Variants in MSH6 observed in about 807,000 individuals in gnomAD.
MSH6 encodes the protein mutS homolog 6.
In MSH6, 85 loss-of-function variants were observed where a neutral mutation model predicts 119.1. The ratio of observed to expected loss-of-function variants is 0.71; its 90% CI spans 0.60 to 0.85. The LOEUF (loss-of-function observed/expected upper bound fraction) is 0.85, where lower values mean the gene tolerates loss of function less well. Among genes scored for constraint, MSH6 ranks in the 40% least tolerant of loss-of-function variants. The probability of loss-of-function intolerance (pLI) is 0.00; values close to 1 mark genes in which losing one functional copy is unlikely to be tolerated. For synonymous variants in MSH6, 830 were observed against 586.9 expected (o/e 1.41, Z -5.99); for missense variants, 2,163 against 1,655.3 (o/e 1.31, Z -5.32).
rs1468651245 is a variant in MSH6 at position 47,798,859 on chromosome 2, C to G, written c.876C>G (p.Ser292Arg). 6.2e-7 allele frequency: 1 copy of G among 1,613,990 alleles called. No individual in the cohort carries two copies. Among genetic ancestry groups the G allele is most frequent in the Non-Finnish European group, 8.5e-7 (1 of 1,180,030 alleles). The change falls in exon 4 of 10, where the codon AGC becomes AGG. Residue 292 changes from serine to arginine, a missense_variant. Ser to Arg is a moderately radical substitution (Grantham distance 110). Transcript: ENST00000234420. ...ATAGTGAGAGTGAAGGCCTGAACAG[C>G]CCTGTCAAAGTTGCTCGAAAGCGGA... ...VGDSESEGLNSPVKVARKRKR... is the reference protein window; with the variant it reads ...VGDSESEGLNRPVKVARKRKR...
intron 1 of MSH6, among the ~76,000 whole-genome samples, chr2:47,790,546 A>G (rs1391521599): frequency 2.6e-5 from 4 of 152,212 alleles, no homozygotes; most frequent in Non-Finnish European, 5.9e-5. Flanking sequence ...ATTGTGAGTT[A>G]GATCCTGTTT....
chr2:47,791,154 TTGTGTG>T lies in MSH6; in HGVS notation c.457+48_457+53del, dbSNP rs397839804. 54 of 1,317,728 alleles carry T rather than the reference TTGTGTG, an allele frequency of 4.1e-5. No individual in the cohort carries two copies. Among genetic ancestry groups the T allele is most frequent in the Non-Finnish European group, 4.6e-5 (43 of 928,234 alleles). 81.6% of individuals were successfully genotyped at this position (1,317,728 alleles called of 1,614,324 possible). On this transcript the variant is annotated intron_variant, in intron 2 of 9. Coordinates refer to ENST00000234420, the MANE Select transcript of MSH6 (RefSeq NM_000179.3). ...AGTCACTACTGCCATGTGTGTGTGT[TTGTGTG>T]TGTGTGTGTGTGTGTGAGAGAAACA...
Position 47,806,322 on chromosome 2 carries a change from T to C in MSH6, c.3765T>C (p.Asp1255=), listed in dbSNP as rs1212096393. The C allele has an allele frequency of 1.2e-6, 2 of 1,614,170 alleles. No individual in the cohort carries two copies. Among genetic ancestry groups the C allele is most frequent in the East Asian group, 2.2e-5 (1 of 44,870 alleles). The change falls in exon 8 of 10, where the codon GAT becomes GAC. Residue 1255 remains aspartate, a synonymous_variant. Coordinates refer to ENST00000234420, the MANE Select transcript of MSH6 (RefSeq NM_000179.3). ...CTCACTACCATTCATTAGTAGAAGA[T>C]TATTCTCAAAATGTTGCTGTGCGCC... ...FSTHYHSLVE[D]YSQNVAVRLG... is the part of the protein sequence containing the mutation.
chr2:47,809,063 C>T (rs1396383158), downstream of MSH6: 21 of 715,670 alleles, frequency 2.9e-5, no homozygotes, highest in Non-Finnish European at 5.0e-5. Context: ...GTTATAGTCT[C>T]AACACCGGCA....
intron 2 of MSH6, among the ~76,000 whole-genome samples, chr2:47,795,131 T>C (rs1030979990): frequency 6.6e-6 from 1 of 152,120 alleles, no homozygotes; most frequent in Non-Finnish European, 1.5e-5. Context: ...CTCTTTTAAA[T>C]CGTCTGCCTC....
intron 1 of MSH6, chr2:47,784,073 A>G: frequency 9.9e-7 from 1 of 1,008,538 alleles, no homozygotes; most frequent in Non-Finnish European, 1.2e-6. Context: ...GCGGTCGCCG[A>G]GACGCCTTGG....
At chr2:47,809,904 A>G (rs979748870), downstream of MSH6, 7 of 542,620 alleles carry the variant, frequency 1.3e-5, no homozygotes, top group South Asian at 1.3e-4. Context: ...CAAAACTGCA[A>G]TTAACTTTCG....
At chr2:47,801,794 G>A (rs189920904) in intron 4 of MSH6, among the ~76,000 whole-genome samples, 8 of 152,006 alleles carry the variant, frequency 5.3e-5, no homozygotes, top group East Asian at 1.9e-4. Flanking sequence ...AAGCACCGGC[G>A]TGCCCTGCTT....
At position 47,784,137 on chromosome 2, in the gene MSH6, C is replaced by A. The variant is rs1024549494; in HGVS notation, c.260+644C>A. The A allele has an allele frequency of 1.1e-5, 11 of 1,002,818 alleles. No individual in the cohort carries two copies. In the African/African-American group the frequency reaches 1.8e-4, roughly 16 times the overall value. 62.1% of individuals were successfully genotyped at this position (1,002,818 alleles called of 1,614,324 possible). A position where few individuals can be genotyped will look rare whatever the true frequency, so the allele number is the denominator to read the frequency against. On this transcript the variant is annotated intron_variant, in intron 1 of 9. Transcript: ENST00000234420. The stretch of plus-strand genomic sequence containing the variant: ...GGCCGCCGAGGGGGTGGGCCACGAG[C>A]TGCGAGCGCGGGGGGGTGTGTCACC...
chr2:47,796,632 G>A (rs1176440381), intron 3 of MSH6, among the ~76,000 whole-genome samples: 2 of 152,136 alleles, frequency 1.3e-5, no homozygotes, highest in Non-Finnish European at 2.9e-5. Context: ...TACAACCTTG[G>A]CTCAAACGTT....
intron 4 of MSH6, among the ~76,000 whole-genome samples, chr2:47,802,070 A>C (rs530080101): frequency 1.3e-4 from 20 of 152,228 alleles, no homozygotes; most frequent in Non-Finnish European, 2.4e-4. Flanking sequence ...TTGTTACACT[A>C]TCTGTTGATC....
At chr2:47,807,254 G>A (rs1055503860), downstream of MSH6, 9 of 228,006 alleles carry the variant, frequency 3.9e-5, no homozygotes, top group Non-Finnish European at 5.2e-5. Flanking sequence ...ATACAGGACT[G>A]TTTGTTTTGA....
Position 47,799,089 on chromosome 2 carries a change from C to G in MSH6, c.1106C>G (p.Thr369Ser), listed in dbSNP as rs375974046. 1 of 1,614,134 alleles carries G rather than the reference C, an allele frequency of 6.2e-7. No homozygotes were observed. The highest frequency in any genetic ancestry group is 8.5e-7 in the Non-Finnish European group (1 of 1,180,018). The change falls in exon 4 of 10, where the codon ACT (threonine) becomes AGT (serine). Residue 369 changes from threonine to serine, a missense_variant. Coordinates refer to ENST00000234420, the MANE Select transcript of MSH6 (RefSeq NM_000179.3). ...CGCCCTACTGTTTGGTATCATGAAACTTTAGAATGGCTTAAGGAGGAAAAG... is the reference window on the plus strand; with the variant it reads ...CGCCCTACTGTTTGGTATCATGAAAGTTTAGAATGGCTTAAGGAGGAAAAG... ...SSRPTVWYHE[T>S]LEWLKEEKRR...
Position 47,798,702 on chromosome 2 carries a change from G to A in MSH6, c.719G>A (p.Arg240Gln), listed in dbSNP as rs542848931. ...EVQPKTQGSRRSSRQIKKRRV... is the reference protein window; with the variant it reads ...EVQPKTQGSRQSSRQIKKRRV... Reference sequence around the variant, plus strand: ...CAGCCTAAGACACAAGGATCTAGGCGAAGTAGCCGCCAAATAAAAAAACGA... The same window carrying A: ...CAGCCTAAGACACAAGGATCTAGGCAAAGTAGCCGCCAAATAAAAAAACGA... The change falls in exon 4 of 10, where the codon CGA becomes CAA. Residue 240 changes from arginine (R) to glutamine (Q), a missense_variant. Arg to Gln is a conservative substitution (Grantham distance 43). Transcript: ENST00000234420. The A allele has an allele frequency of 1.9e-5, 30 of 1,614,088 alleles. No homozygotes were observed. Among genetic ancestry groups the A allele is most frequent in the Admixed American group, 5.0e-5 (3 of 60,010 alleles).
At chr2:47,804,024 T>C (rs1669795056) in intron 5 of MSH6, among the ~76,000 whole-genome samples, 1 of 152,198 alleles carries the variant, frequency 6.6e-6, no homozygotes, top group Non-Finnish European at 1.5e-5. Context: ...TACAGGTTTA[T>C]CCTTAAATTA....
At chr2:47,794,080 C>G (rs1391740193) in intron 2 of MSH6, among the ~76,000 whole-genome samples, 1 of 151,304 alleles carries the variant, frequency 6.6e-6, no homozygotes, top group Non-Finnish European at 1.5e-5. Flanking sequence ...GTGGCTCACG[C>G]CTGTAATCCC....
intron 2 of MSH6, 83 bp from the exon 3 acceptor site, chr2:47,795,811 C>G (rs1045058278): frequency 4.1e-6 from 5 of 1,211,126 alleles, no homozygotes; most frequent in Non-Finnish European, 1.2e-6. Flanking sequence ...GCTATGTTGC[C>G]CAGGCTGGTC....
chr2:47,808,542 T>C, downstream of MSH6: 1 of 794,208 alleles, frequency 1.3e-6, no homozygotes, highest in East Asian at 2.7e-5. Flanking sequence ...ACAAAATTCT[T>C]TGTGGCTCCA....
Position 47,791,027 on chromosome 2 carries a change from C to T in MSH6, c.361C>T (p.Arg121Cys), listed in dbSNP as rs763593669. ...CCACCCCTTTGATGGAACATTCATC[C>T]GCGAGAAAGGGAAATCAGTCCGTGT... ...YNHPFDGTFIREKGKSVRVHV... is the reference protein window; with the variant it reads ...YNHPFDGTFICEKGKSVRVHV... Residue 121 changes from arginine to cysteine, a missense_variant, in exon 2 of 10, where the codon CGC (arginine) becomes TGC (cysteine). Physicochemically the swap from Arg to Cys is radical, Grantham distance 180. Transcript: ENST00000234420. 7.4e-6 allele frequency: 12 copies of T among 1,614,032 alleles called. No homozygotes were observed. Among genetic ancestry groups the T allele is most frequent in the East Asian group, 2.2e-5 (1 of 44,894 alleles).
Sources: allele counts gnomAD v4.1 joint callset (sites outside exome capture counted in the v4.1 genomes callset), GRCh38; gene constraint gnomAD v4.1.1; transcripts MANE v1.5; gene names NCBI Gene and HGNC (gene_info 2026-07-23, HGNC 2026-07-21).